The following NLGN1 variants were observed in gnomAD, a reference collection of about 807,000 sequenced individuals.
The protein encoded by NLGN1 is neuroligin 1, also known as neuroligin-1.
NLGN1 carries 12 observed loss-of-function variants against 65.5 expected under a neutral mutation model. The observed-to-expected ratio is 0.18, with a 90% confidence interval of 0.12 to 0.30. The LOEUF (loss-of-function observed/expected upper bound fraction) is 0.30, where lower values mean the gene tolerates loss of function less well. Among genes scored for constraint, NLGN1 ranks in the 10% least tolerant of loss-of-function variants. The pLI is 1.00. For missense variants in NLGN1, 750 were observed against 1,007.1 expected, an observed-to-expected ratio of 0.74 and a Z score of 3.46; for synonymous variants, 350 against 359.5, an observed-to-expected ratio of 0.97 and a Z score of 0.30.
At chr3:173,715,430 A>G (rs763442095) in intron 3 of NLGN1, among the ~76,000 whole-genome samples, 5 of 152,218 alleles carry the variant, frequency 3.3e-5, no homozygotes, top group Non-Finnish European at 4.4e-5. Flanking sequence ...TCCTTGTTCC[A>G]TAAGTGATGG....
chr3:174,092,727 A>G (rs981296699), intron 4 of NLGN1, among the ~76,000 whole-genome samples: 27 of 152,138 alleles, frequency 1.8e-4, no homozygotes, highest in Non-Finnish European at 3.8e-4. Flanking sequence ...ATGCATGACA[A>G]TACTGGCCAC....
At chr3:173,563,213 A>G (rs1484267237) in intron 2 of NLGN1, among the ~76,000 whole-genome samples, 4 of 152,230 alleles carry the variant, frequency 2.6e-5, no homozygotes, top group Non-Finnish European at 5.9e-5. Context: ...CTTTACAGCC[A>G]TCGAATATTG....
At chr3:173,496,626 CAG>C (rs1730070116) in intron 2 of NLGN1, among the ~76,000 whole-genome samples, 1 of 151,704 alleles carries the variant, frequency 6.6e-6, no homozygotes, top group African/African-American at 2.4e-5. Context: ...TCACAATTGA[CAG>C]AGATGCTTTG....
rs577103000 is a variant in NLGN1 at position 173,578,245 on chromosome 3, A to AAC, written c.-320-26033_-320-26032insCA. Among the ~76,000 whole-genome samples, 143 of 152,044 alleles carry AAC rather than the reference A, an allele frequency of 9.4e-4. 1 individual carries two copies. Among genetic ancestry groups the AAC allele is most frequent in the Middle Eastern group, 3.4e-3 (1 of 294 alleles). Reference sequence around the variant, plus strand: ...GGCCAGACTCCGTCTCAAAAAAAAAAAAAAGAAGAAGAAGATGTAATTTTA... The same window carrying AAC: ...GGCCAGACTCCGTCTCAAAAAAAAAAACAAAAGAAGAAGAAGATGTAATTTTA... On this transcript the variant is annotated intron_variant, in intron 2 of 6. Coordinates refer to ENST00000457714, the Ensembl canonical transcript of NLGN1.
At chr3:173,702,044 C>T (rs1309637494) in intron 3 of NLGN1, among the ~76,000 whole-genome samples, 2 of 151,876 alleles carry the variant, frequency 1.3e-5, no homozygotes, top group African/African-American at 4.8e-5. Context: ...TCGAGACCAT[C>T]CCGGCTAAAA....
At chr3:173,932,831 G>A (rs1744351348) in intron 4 of NLGN1, among the ~76,000 whole-genome samples, 1 of 152,134 alleles carries the variant, frequency 6.6e-6, no homozygotes, top group Admixed American at 6.6e-5. Context: ...TGAAGAGTCA[G>A]TTAGATGTGA....
chr3:174,268,433 G>C (rs1748699085), intron 4 of NLGN1, among the ~76,000 whole-genome samples: 1 of 152,106 alleles, frequency 6.6e-6, no homozygotes, highest in Non-Finnish European at 1.5e-5. Flanking sequence ...TGTGGTTGGT[G>C]ATGGGGACTG....
chr3:174,287,885 T>C (rs1752307866), downstream of NLGN1, among the ~76,000 whole-genome samples: 4 of 151,568 alleles, frequency 2.6e-5, no homozygotes. Context: ...ATTGGCTTCC[T>C]CTGCTCCTCA....
intron 4 of NLGN1, among the ~76,000 whole-genome samples, chr3:173,864,914 T>G (rs540930488): frequency 6.6e-6 from 1 of 152,260 alleles, no homozygotes; most frequent in African/African-American, 2.4e-5. Flanking sequence ...AAACTGCCTT[T>G]TAGGGGGAAA....
chr3:173,934,343 A>G (rs1190719391), intron 4 of NLGN1, among the ~76,000 whole-genome samples: 1 of 150,348 alleles, frequency 6.7e-6, no homozygotes, highest in African/African-American at 2.4e-5. Context: ...TAATAATAAA[A>G]TAATTGATAT....
At chr3:173,662,686 C>T (rs1052301012) in intron 3 of NLGN1, among the ~76,000 whole-genome samples, 1 of 151,920 alleles carries the variant, frequency 6.6e-6, no homozygotes, top group African/African-American at 2.4e-5. Context: ...TTTCCTTTAA[C>T]TCATATCAGT....
At chr3:173,705,759 T>C (rs1767955959) in intron 3 of NLGN1, among the ~76,000 whole-genome samples, 1 of 152,122 alleles carries the variant, frequency 6.6e-6, no homozygotes, top group Non-Finnish European at 1.5e-5. Context: ...TTTTTTTTCT[T>C]CCTAATATGT....
intron 3 of NLGN1, among the ~76,000 whole-genome samples, chr3:173,803,152 C>T (rs1463202385): frequency 2.0e-5 from 3 of 152,074 alleles, no homozygotes; most frequent in Non-Finnish European, 4.4e-5. Context: ...AATTGTATAT[C>T]TTTAAGACAA....
intron 4 of NLGN1, among the ~76,000 whole-genome samples, chr3:174,248,139 G>A (rs1316488325): frequency 6.6e-6 from 1 of 152,134 alleles, no homozygotes; most frequent in Non-Finnish European, 1.5e-5. Context: ...AAAGTAAAGG[G>A]ACATGTAGAG....
At chr3:173,773,733 T>C (rs1398059541) in intron 3 of NLGN1, among the ~76,000 whole-genome samples, 1 of 152,074 alleles carries the variant, frequency 6.6e-6, no homozygotes, top group Non-Finnish European at 1.5e-5. Flanking sequence ...GGTGGGTAGG[T>C]TCATAAATTT....
At chr3:173,730,123 G>A (rs1288708399) in intron 3 of NLGN1, among the ~76,000 whole-genome samples, 1 of 151,180 alleles carries the variant, frequency 6.6e-6, no homozygotes, top group Non-Finnish European at 1.5e-5. Context: ...GGAGTTCAGT[G>A]CATATATGCT....
intron 3 of NLGN1, among the ~76,000 whole-genome samples, chr3:173,730,180 A>G (rs1035752540): frequency 1.3e-5 from 2 of 151,304 alleles, no homozygotes; most frequent in African/African-American, 2.4e-5. Context: ...TAAATTTATC[A>G]ATTATATTGG....
rs950003229 is a variant in NLGN1 at position 173,948,140 on chromosome 3, C to G, written c.646+140308C>G. ...AACACATATTTTATTGTTAGAAAAC[C>G]TATCTTCAAACCACAGGTTTCCTTT... On this transcript the variant is annotated intron_variant, in intron 4 of 6. Transcript: ENST00000457714. 5.3e-5 allele frequency among the ~76,000 whole-genome samples: 8 copies of G among 152,254 alleles called. No homozygotes were observed. In the East Asian group the frequency reaches 1.5e-3, roughly 29 times the overall value.
intron 3 of NLGN1, among the ~76,000 whole-genome samples, chr3:173,747,233 A>T (rs925748203): frequency 6.8e-6 from 1 of 146,326 alleles, no homozygotes; most frequent in South Asian, 2.1e-4. Context: ...ATTTAAATAT[A>T]TATATCTTTA....
Sources: gnomAD v4.1 joint callset for allele counts (sites outside exome capture counted in the v4.1 genomes callset) on GRCh38, gnomAD v4.1.1 for gene constraint, MANE v1.5 for transcripts, NCBI Gene and HGNC (gene_info 2026-07-23, HGNC 2026-07-21) for gene names.